IQCM: variants seen among roughly 807,000 people sequenced by gnomAD.
IQCM encodes the protein IQ motif containing M.
IQCM carries 45 observed loss-of-function variants against 57.6 expected under a neutral mutation model. The observed-to-expected ratio is 0.78, with a 90% confidence interval of 0.62 to 1.00. IQCM has a LOEUF of 1.00. Ranked by LOEUF, IQCM falls within the 50% of genes least tolerant of loss-of-function variation. The pLI, the probability that IQCM is intolerant of heterozygous loss-of-function variation, is 0.00. For synonymous variants in IQCM, 148 were observed against 158.9 expected, an observed-to-expected ratio of 0.93 and a Z score of 0.51; for missense variants, 468 against 511.6, an observed-to-expected ratio of 0.91 and a Z score of 0.82.
At chr4:149,373,965 G>C (rs1223529995) in intron 13 of IQCM, among the ~76,000 whole-genome samples, 1 of 152,158 alleles carries the variant, frequency 6.6e-6, no homozygotes. Flanking sequence ...TTGCAGGCAA[G>C]GTCAAGGAAA....
At chr4:149,786,077 A>T (rs1235246710) in intron 2 of IQCM, among the ~76,000 whole-genome samples, 2 of 152,236 alleles carry the variant, frequency 1.3e-5, no homozygotes, top group African/African-American at 2.4e-5. Context: ...ATAAGGGCTA[A>T]ATTTTCCTTC....
intron 7 of IQCM, among the ~76,000 whole-genome samples, chr4:149,631,154 A>G (rs1757229968): frequency 6.6e-6 from 1 of 152,182 alleles, no homozygotes. Context: ...CCAGGTATAC[A>G]ACACTTTACA....
At position 149,351,744 on chromosome 4, in the gene IQCM, A is replaced by C. The variant is rs980192133; in HGVS notation, c.*207T>G. Among the ~76,000 whole-genome samples, 6 of 152,154 alleles carry C rather than the reference A, an allele frequency of 3.9e-5. No homozygotes were observed. The highest frequency in any genetic ancestry group is 1.2e-4 in the African/African-American group (5 of 41,442). The stretch of plus-strand genomic sequence containing the variant: ...TCTGCAGGTTTACTTCATTATGATA[A>C]AAGAGATGTTTTTTATGAAGGAGAT... On this transcript the variant is annotated 3_prime_UTR_variant, in exon 14 of 14. Transcript: ENST00000636793.
At chr4:149,466,106 G>C (rs1384519794) in intron 12 of IQCM, among the ~76,000 whole-genome samples, 1 of 152,164 alleles carries the variant, frequency 6.6e-6, no homozygotes, top group African/African-American at 2.4e-5. Flanking sequence ...TAATTCTGCT[G>C]TTCATCAACA....
rs535495940 is a variant in IQCM, at chr4:149,781,291, A to G, written c.-49+34020T>C. Among the ~76,000 whole-genome samples, 6 of 152,332 alleles carry G rather than the reference A, an allele frequency of 3.9e-5. No homozygotes were observed. In the East Asian group the frequency reaches 1.2e-3, roughly 29 times the overall value. Reference sequence around the variant, plus strand: ...CCAAAAATATTAAACAGATAATTCCAGAAATAAATAATTTAGAAGTTTTAA... The same window carrying G: ...CCAAAAATATTAAACAGATAATTCCGGAAATAAATAATTTAGAAGTTTTAA... On this transcript the variant is annotated intron_variant, in intron 2 of 13. Coordinates refer to ENST00000636793, the MANE Select transcript of IQCM (RefSeq NM_001363507.2).
At chr4:149,590,209 C>T (rs1228596212) in intron 8 of IQCM, among the ~76,000 whole-genome samples, 1 of 149,382 alleles carries the variant, frequency 6.7e-6, no homozygotes, top group Non-Finnish European at 1.5e-5. Context: ...ATGTTTTCTA[C>T]CTAACATAAT....
chr4:149,439,960 C>CTTT lies in IQCM; in HGVS notation c.1229-6406_1229-6404dup, dbSNP rs554542262. ...GAATTTCCAATTAAGTGTTGCTATT[C>CTTT]TTTTTTTTTTTTTTGAGACAGAGTT... On this transcript the variant is annotated intron_variant, in intron 12 of 13. Coordinates refer to ENST00000636793, the MANE Select transcript of IQCM (RefSeq NM_001363507.2). Among the ~76,000 whole-genome samples the CTTT allele has an allele frequency of 1.4e-5, 2 of 141,616 alleles. 1 individual carries two copies. The highest frequency in any genetic ancestry group is 4.5e-4 in the South Asian group (2 of 4,450). 92.9% of individuals were successfully genotyped at this position (141,616 alleles called of 152,430 possible). A position where few individuals can be genotyped will look rare whatever the true frequency, so the allele number is the denominator to read the frequency against.
chr4:149,481,701 G>GTTTTTT lies in IQCM; in HGVS notation c.1229-48150_1229-48145dup, dbSNP rs57465501. Among the ~76,000 whole-genome samples, 180 of 51,468 alleles carry GTTTTTT rather than the reference G, an allele frequency of 3.5e-3. 1 individual carries two copies. Among genetic ancestry groups the GTTTTTT allele is most frequent in the East Asian group, 4.8e-3 (9 of 1,884 alleles). The allele number at this position is 51,468 out of a possible 152,430, so 33.8% of individuals were successfully genotyped here. A position where few individuals can be genotyped will look rare whatever the true frequency, so the allele number is the denominator to read the frequency against. On this transcript the variant is annotated intron_variant, in intron 12 of 13. Coordinates refer to ENST00000636793, the MANE Select transcript of IQCM (RefSeq NM_001363507.2). ...CATGTAATGTGATTCTTCCAGTTTT[G>GTTTTTT]TTTTTTTTTTTTTTTTTTTTTGCTT...
chr4:149,434,340 G>T (rs1017841276), intron 12 of IQCM, among the ~76,000 whole-genome samples: 1 of 152,016 alleles, frequency 6.6e-6, no homozygotes, highest in Admixed American at 6.6e-5. Context: ...AATTTAAATT[G>T]CACAGCGAAA....
intron 13 of IQCM, among the ~76,000 whole-genome samples, chr4:149,426,808 A>G (rs1734492118): frequency 6.6e-6 from 1 of 151,930 alleles, no homozygotes; most frequent in African/African-American, 2.4e-5. Flanking sequence ...ATCTGGACTC[A>G]AAAATGAAGT....
intron 9 of IQCM, among the ~76,000 whole-genome samples, chr4:149,573,006 T>C (rs1015067662): frequency 2.0e-5 from 3 of 151,776 alleles, no homozygotes; most frequent in Admixed American, 6.6e-5. Flanking sequence ...AAAAGCTATA[T>C]GCATGAAGAC....
intron 7 of IQCM, among the ~76,000 whole-genome samples, chr4:149,652,651 C>G (rs991284866): frequency 6.6e-6 from 1 of 151,430 alleles, no homozygotes; most frequent in Non-Finnish European, 1.5e-5. Context: ...AACATCATTT[C>G]CAGAAATGAA....
At chr4:149,726,115 G>GAAA (rs1182893835) in intron 5 of IQCM, among the ~76,000 whole-genome samples, 1 of 147,314 alleles carries the variant, frequency 6.8e-6, no homozygotes, top group Admixed American at 6.7e-5. Flanking sequence ...AAGAAAGAAA[G>GAAA]AAAGAAAGAA....
chr4:149,720,690 A>C (rs1765373423), intron 5 of IQCM, among the ~76,000 whole-genome samples: 1 of 152,220 alleles, frequency 6.6e-6, no homozygotes. Context: ...ATTCCTGACA[A>C]GAAATGAGAA....
chr4:149,669,459 A>G (rs557747755), intron 7 of IQCM, among the ~76,000 whole-genome samples: 4 of 152,072 alleles, frequency 2.6e-5, no homozygotes, highest in Non-Finnish European at 4.4e-5. Context: ...TACTTTTGCT[A>G]TGCAGAAGCC....
In IQCM at chr4:149,352,502, G is replaced by A. The variant is rs369756103; in HGVS notation, c.1391-436C>T. On this transcript the variant is annotated intron_variant, in intron 13 of 13. Transcript: ENST00000636793. ...GTGTAGCTACTGTATTAGGTATTAC[G>A]TGTAAACTAGAGATGATTTAAAGTA... Among the ~76,000 whole-genome samples the A allele has an allele frequency of 1.2e-4, 18 of 152,256 alleles. No individual in the cohort carries two copies. In the East Asian group the frequency reaches 1.7e-3, roughly 15 times the overall value.
intron 12 of IQCM, among the ~76,000 whole-genome samples, chr4:149,451,903 A>G (rs904821601): frequency 1.3e-5 from 2 of 151,752 alleles, no homozygotes; most frequent in Non-Finnish European, 2.9e-5. Context: ...ACAGGCATCT[A>G]TCTTAGAAGC....
intron 10 of IQCM, among the ~76,000 whole-genome samples, chr4:149,556,437 T>C (rs564142232): frequency 7.2e-5 from 11 of 152,296 alleles, no homozygotes; most frequent in Admixed American, 4.6e-4. Flanking sequence ...TTTTTTAAAC[T>C]TTGTGTCATA....
intron 12 of IQCM, among the ~76,000 whole-genome samples, chr4:149,481,866 T>C (rs1156409992): frequency 1.3e-5 from 2 of 151,638 alleles, no homozygotes; most frequent in East Asian, 1.9e-4. Context: ...TTGGGTAGTA[T>C]GGACATTTTA....
Sources: allele counts gnomAD v4.1 joint callset (sites outside exome capture counted in the v4.1 genomes callset), GRCh38; gene constraint gnomAD v4.1.1; transcripts MANE v1.5; gene names NCBI Gene and HGNC (gene_info 2026-07-23, HGNC 2026-07-21).